The following NTNG1 variants were observed in gnomAD, a reference collection of about 807,000 sequenced individuals.
NTNG1 encodes the protein netrin G1, also known as netrin-G1.
In NTNG1, 16 loss-of-function variants were observed where a neutral mutation model predicts 54.0. That is an observed-to-expected ratio of 0.30 (90% CI 0.20 to 0.45). NTNG1 has a LOEUF of 0.45. NTNG1 is among the 20% of genes least tolerant of loss of function. NTNG1 has a pLI of 1.00. For synonymous variants in NTNG1, 255 were observed against 263.1 expected (o/e 0.97, Z 0.30); for missense variants, 530 against 678.7 (o/e 0.78, Z 2.43).
At chr1:107,439,449 C>A (rs1361655212) in intron 7 of NTNG1, among the ~76,000 whole-genome samples, 1 of 151,862 alleles carries the variant, frequency 6.6e-6, no homozygotes, top group Non-Finnish European at 1.5e-5. Context: ...GATATGTGAT[C>A]CATCATATGG....
At chr1:107,404,180 G>A (rs920835) in intron 4 of NTNG1, among the ~76,000 whole-genome samples, 38,342 of 151,370 alleles carry the variant, frequency 0.25, 5,514 homozygotes, top group Non-Finnish European at 0.3. Context: ...GTCCCACAAA[G>A]TCTGCACTTG....
intron 2 of NTNG1, among the ~76,000 whole-genome samples, chr1:107,206,374 T>A (rs1423068028): frequency 6.6e-6 from 1 of 152,206 alleles, no homozygotes; most frequent in Admixed American, 6.5e-5. Flanking sequence ...TTAATTTTAT[T>A]TTCCCTATGG....
In NTNG1 at chr1:107,260,407, C is replaced by T. The variant is rs553929841; in HGVS notation, c.247-63875C>T. ...TGTAGGGACAATGGGATCCCCATTT[C>T]ACTCTGATGTTCTACAGCAGGCAGA... is the stretch of plus-strand genomic sequence containing the variant. On this transcript the variant is annotated intron_variant, in intron 2 of 7. Coordinates refer to ENST00000370068, the MANE Select transcript of NTNG1 (RefSeq NM_001113226.3). Among the ~76,000 whole-genome samples the T allele has an allele frequency of 1.1e-4, 16 of 152,338 alleles. No homozygotes were observed. The South Asian group carries it at 3.3e-3, about 32-fold the overall frequency.
At chr1:107,338,648 A>G (rs752949133) in intron 3 of NTNG1, among the ~76,000 whole-genome samples, 24 of 151,862 alleles carry the variant, frequency 1.6e-4, no homozygotes, top group Non-Finnish European at 3.4e-4. Flanking sequence ...TCCCAAAATT[A>G]CACCAAGAGT....
chr1:107,171,059 A>G (rs889965914), intron 2 of NTNG1, among the ~76,000 whole-genome samples: 1 of 152,076 alleles, frequency 6.6e-6, no homozygotes, highest in Non-Finnish European at 1.5e-5. Context: ...GACTCATCTT[A>G]TTTTGTCAGG....
intron 3 of NTNG1, among the ~76,000 whole-genome samples, chr1:107,376,315 T>G (rs376718636): frequency 0.082 from 12,335 of 150,428 alleles, 591 homozygotes; most frequent in African/African-American, 0.13. Context: ...GGCTGAGGCA[T>G]GGGAATGGCG....
chr1:107,413,281 G>A (rs1464879248), intron 5 of NTNG1, among the ~76,000 whole-genome samples: 4 of 151,598 alleles, frequency 2.6e-5, no homozygotes, highest in African/African-American at 9.7e-5. Flanking sequence ...TCCCACCTCA[G>A]CCTCCTGAAT....
In NTNG1 at chr1:107,194,762, T is replaced by A. The variant is rs1419699118; in HGVS notation, c.246+45923T>A. On this transcript the variant is annotated intron_variant, in intron 2 of 7. Transcript: ENST00000370068. ...CTCCATTAAAAAGCAAATAAGAATA[T>A]ACTTCCTATTAGTTTTGTCTTGGTT... Among the ~76,000 whole-genome samples the A allele has an allele frequency of 2.6e-5, 4 of 152,036 alleles. No individual in the cohort carries two copies. In the South Asian group the frequency reaches 8.3e-4, roughly 31 times the overall value.
intron 2 of NTNG1, among the ~76,000 whole-genome samples, chr1:107,197,411 GC>G (rs1658423760): frequency 6.6e-6 from 1 of 151,972 alleles, no homozygotes; most frequent in African/African-American, 2.4e-5. Flanking sequence ...AAACTGTGTG[GC>G]AGATGAAGCA....
chr1:107,462,998 A>G (rs1256783213), intron 7 of NTNG1, among the ~76,000 whole-genome samples: 2 of 152,178 alleles, frequency 1.3e-5, no homozygotes, highest in Non-Finnish European at 2.9e-5. Flanking sequence ...TACAGTGGGG[A>G]AGAGACAAAC....
intron 3 of NTNG1, among the ~76,000 whole-genome samples, chr1:107,382,257 G>A (rs1277535411): frequency 6.6e-6 from 1 of 152,042 alleles, no homozygotes; most frequent in Non-Finnish European, 1.5e-5. Context: ...GACAGTCAAG[G>A]AGCCAATGTG....
rs1369933889 is a variant in NTNG1, at chr1:107,148,496, TA to T, written c.-97del. The T allele has an allele frequency of 2.6e-6, 3 of 1,174,658 alleles. No homozygotes were observed. The African/African-American group carries it at 4.6e-5, about 18-fold the overall frequency. 72.8% of individuals were successfully genotyped at this position (1,174,658 alleles called of 1,614,324 possible). ...ACAGAGACCTACCTACCCGTACGCA[TA>T]CATACATATGTGTATATATATGTAA... On this transcript the variant is annotated 5_prime_UTR_variant, in exon 2 of 8. Coordinates refer to ENST00000370068, the MANE Select transcript of NTNG1 (RefSeq NM_001113226.3).
At chr1:107,166,672 T>C (rs1323517217) in intron 2 of NTNG1, among the ~76,000 whole-genome samples, 1 of 152,150 alleles carries the variant, frequency 6.6e-6, no homozygotes, top group African/African-American at 2.4e-5. Flanking sequence ...ATTCAAACTT[T>C]CTGGGTTTCA....
chr1:107,474,687 T>C (rs144924835), intron 7 of NTNG1, among the ~76,000 whole-genome samples: 40 of 152,302 alleles, frequency 2.6e-4, no homozygotes, highest in African/African-American at 9.6e-4. Context: ...GGCCTTCTTG[T>C]TGCACCATAA....
At chr1:107,300,107 C>T (rs1310084474) in intron 2 of NTNG1, among the ~76,000 whole-genome samples, 1 of 152,110 alleles carries the variant, frequency 6.6e-6, no homozygotes, top group Non-Finnish European at 1.5e-5. Flanking sequence ...AGAATGCGGA[C>T]CGAGGCATAT....
intron 2 of NTNG1, among the ~76,000 whole-genome samples, chr1:107,255,178 A>G (rs962277909): frequency 1.3e-5 from 2 of 152,250 alleles, no homozygotes; most frequent in African/African-American, 4.8e-5. Context: ...TCATGTTTTA[A>G]TCAGTCTTCC....
At chr1:107,337,392 T>C (rs1283477269) in intron 3 of NTNG1, among the ~76,000 whole-genome samples, 1 of 152,022 alleles carries the variant, frequency 6.6e-6, no homozygotes, top group Non-Finnish European at 1.5e-5. Flanking sequence ...ATGCAACTTA[T>C]ATGAGTGTCC....
intron 2 of NTNG1, among the ~76,000 whole-genome samples, chr1:107,301,303 G>C (rs1666295735): frequency 6.6e-6 from 1 of 151,860 alleles, no homozygotes; most frequent in South Asian, 2.1e-4. Context: ...CAGTGGCTAA[G>C]AGTGGTACTA....
At chr1:107,404,804 G>A (rs1232977925) in intron 4 of NTNG1, among the ~76,000 whole-genome samples, 1 of 152,110 alleles carries the variant, frequency 6.6e-6, no homozygotes, top group Non-Finnish European at 1.5e-5. Flanking sequence ...ATGTGGAGGA[G>A]GAAGGAAATA....
Sources: allele counts gnomAD v4.1 joint callset (sites outside exome capture counted in the v4.1 genomes callset), GRCh38; gene constraint gnomAD v4.1.1; transcripts MANE v1.5; gene names NCBI Gene and HGNC (gene_info 2026-07-23, HGNC 2026-07-21).